Variants in MAP3K19 observed in about 807,000 individuals in gnomAD.
MAP3K19 encodes the protein mitogen-activated protein kinase kinase kinase 19, also known as SPS1/STE20-related protein kinase YSK4.
MAP3K19 carries 91 observed loss-of-function variants against 114.4 expected under a neutral mutation model. The observed-to-expected ratio is 0.80, with a 90% CI of 0.67 to 0.95. The LOEUF (loss-of-function observed/expected upper bound fraction) is 0.95, where lower values mean the gene tolerates loss of function less well. Ranked by LOEUF, MAP3K19 falls within the 40% of genes least tolerant of loss-of-function variation. The probability of loss-of-function intolerance (pLI) is 0.00; values close to 1 mark genes in which losing one functional copy is unlikely to be tolerated. For synonymous variants in MAP3K19, 518 were observed against 530.5 expected (o/e 0.98, Z 0.32); for missense variants, 1,471 against 1,573.2 (o/e 0.94, Z 1.10).
At chr2:135,011,492 G>C (rs182862712) in intron 5 of MAP3K19, among the ~76,000 whole-genome samples, 1 of 147,228 alleles carries the variant, frequency 6.8e-6, no homozygotes, top group South Asian at 2.1e-4. Context: ...AGCCGAGATC[G>C]CGCCACTGTA....
intron 3 of MAP3K19, among the ~76,000 whole-genome samples, chr2:135,026,609 T>C (rs533542633): frequency 1.3e-5 from 2 of 152,296 alleles, no homozygotes; most frequent in East Asian, 3.9e-4. Flanking sequence ...GAAACTGCAA[T>C]TGTAACATAA....
At chr2:134,983,200 C>A (rs374242334) in intron 11 of MAP3K19, 4 of 533,482 alleles carry the variant, frequency 7.5e-6, no homozygotes, top group Non-Finnish European at 1.5e-5. Flanking sequence ...CGCCCACCCC[C>A]CAAGATCTCT....
At chr2:135,020,776 C>A (rs1687916396) in intron 5 of MAP3K19, among the ~76,000 whole-genome samples, 1 of 152,154 alleles carries the variant, frequency 6.6e-6, no homozygotes, top group Admixed American at 6.5e-5. Context: ...GTTTCCCCTG[C>A]ACTCTCTCTG....
intron 12 of MAP3K19, among the ~76,000 whole-genome samples, chr2:134,974,179 T>G (rs973786654): frequency 6.6e-6 from 1 of 152,176 alleles, no homozygotes; most frequent in Non-Finnish European, 1.5e-5. Context: ...TTTTGTATTT[T>G]TAGTAGAGAT....
chr2:134,964,781 G>A lies in MAP3K19; in HGVS notation c.*69C>T. On this transcript the variant is annotated 3_prime_UTR_variant, in exon 13 of 13. Transcript: ENST00000392915. Reference sequence around the variant, plus strand: ...TCAGTGGGGAAACAAAGATCCCTTAGCCATCATTCCCCACAATTAAGCAAG... The same window carrying A: ...TCAGTGGGGAAACAAAGATCCCTTAACCATCATTCCCCACAATTAAGCAAG... 8.1e-7 allele frequency: 1 copy of A among 1,234,678 alleles called. No homozygotes were observed. The highest frequency in any genetic ancestry group is 1.2e-6 in the Non-Finnish European group (1 of 846,626). The allele number at this position is 1,234,678 out of a possible 1,614,324, so 76.5% of individuals were successfully genotyped here. A position where few individuals can be genotyped will look rare whatever the true frequency, so the allele number is the denominator to read the frequency against.
intron 4 of MAP3K19, among the ~76,000 whole-genome samples, chr2:135,024,274 T>C (rs1413399100): frequency 1.3e-5 from 2 of 152,220 alleles, no homozygotes; most frequent in Admixed American, 6.5e-5. Context: ...TGGCTGTTTC[T>C]TTGTCTTTGT....
At chr2:134,979,776 G>T (rs770259121) in intron 12 of MAP3K19, among the ~76,000 whole-genome samples, 1 of 150,996 alleles carries the variant, frequency 6.6e-6, no homozygotes, top group Non-Finnish European at 1.5e-5. Context: ...TGGCATTCCT[G>T]CCCTGGCCCA....
At chr2:135,013,727 T>A (rs1687395632) in intron 5 of MAP3K19, among the ~76,000 whole-genome samples, 1 of 152,146 alleles carries the variant, frequency 6.6e-6, no homozygotes, top group African/African-American at 2.4e-5. Context: ...CAACAATATC[T>A]GTTCTGTTTC....
At chr2:134,989,605 G>A (rs2105247609) in intron 9 of MAP3K19, among the ~76,000 whole-genome samples, 1 of 152,240 alleles carries the variant, frequency 6.6e-6, no homozygotes. Context: ...ACAATGCTAA[G>A]CAGTACCTAT....
At chr2:134,969,131 C>A (rs1405167275) in intron 12 of MAP3K19, among the ~76,000 whole-genome samples, 1 of 152,086 alleles carries the variant, frequency 6.6e-6, no homozygotes, top group Non-Finnish European at 1.5e-5. Flanking sequence ...GCGGATCACT[C>A]GCGGTTAGGA....
intron 11 of MAP3K19, among the ~76,000 whole-genome samples, chr2:134,981,880 C>CTT (rs567597251): frequency 5.5e-4 from 68 of 124,428 alleles, no homozygotes; most frequent in South Asian, 1.8e-3. Flanking sequence ...GATTTCTTTT[C>CTT]TTTTTTTTTT....
chr2:134,977,564 A>G (rs560895397), intron 12 of MAP3K19, among the ~76,000 whole-genome samples: 16 of 151,860 alleles, frequency 1.1e-4, no homozygotes, highest in Middle Eastern at 3.4e-3. Flanking sequence ...GGGTTTCACC[A>G]TGTTAGCTAG....
chr2:134,969,995 C>A (rs1683755796), intron 12 of MAP3K19, among the ~76,000 whole-genome samples: 2 of 134,218 alleles, frequency 1.5e-5, no homozygotes, highest in Admixed American at 1.5e-4. Context: ...CAATACCATG[C>A]TGTTTGGTTA....
rs79960383 is a variant in MAP3K19, at chr2:134,983,293, C to A, written c.3222+383G>T. Reference sequence around the variant, plus strand: ...TCCAAACTTCCAGTAACATATTCAGCTGTTGAAGGAAGATATTTCTTTCCC... The same window carrying A: ...TCCAAACTTCCAGTAACATATTCAGATGTTGAAGGAAGATATTTCTTTCCC... On this transcript the variant is annotated intron_variant, in intron 11 of 12. Coordinates refer to ENST00000392915, the MANE Select transcript of MAP3K19 (RefSeq NM_025052.5). 14,852 of 540,712 alleles carry A rather than the reference C, an allele frequency of 0.027. 1,502 individuals are homozygous for A. The East Asian group carries it at 0.38, about 14-fold the overall frequency. 33.5% of individuals were successfully genotyped at this position (540,712 alleles called of 1,614,324 possible).
At position 134,987,535 on chromosome 2, in the gene MAP3K19, A is replaced by G; in HGVS notation, c.1337T>C (p.Val446Ala). Residue 446 changes from valine to alanine, a missense_variant, in exon 10 of 13, where the codon GTA becomes GCA. By Grantham distance (64) the Val-to-Ala change is moderately conservative (BLOSUM62 0). Coordinates refer to ENST00000392915, the MANE Select transcript of MAP3K19 (RefSeq NM_025052.5). ...ECTVLKSLSS[V>A]VFDDPIDKLP... ...TTTATCAATGGGGTCATCAAAGACT[A>G]CACTGGATAAGCTTTTAAGTACAGT... 1.2e-6 allele frequency: 2 copies of G among 1,614,216 alleles called. No homozygotes were observed. The highest frequency in any genetic ancestry group is 1.7e-6 in the Non-Finnish European group (2 of 1,180,042).
At chr2:134,976,433 C>T (rs529594026) in intron 12 of MAP3K19, among the ~76,000 whole-genome samples, 6 of 152,324 alleles carry the variant, frequency 3.9e-5, no homozygotes, top group African/African-American at 9.6e-5. Flanking sequence ...TCTGGGCTCT[C>T]GGCCAATCTC....
In MAP3K19 at chr2:134,986,419, G is replaced by A. The variant is rs765862775; in HGVS notation, c.2453C>T (p.Ser818Phe). The A allele has an allele frequency of 6.2e-7, 1 of 1,613,920 alleles. No individual in the cohort carries two copies. The highest frequency in any genetic ancestry group is 1.7e-5 in the Admixed American group (1 of 60,016). ...GTTAGAAATGTCTCTATCACCAGTA[G>A]ACTCTTCCATAGAAACTTCTTCAAC... ...SIVEEVSMEE[S>F]TGDRDISNNQ... The change falls in exon 10 of 13, where the codon TCT becomes TTT. Residue 818 changes from serine (S) to phenylalanine (F), a missense_variant. Physicochemically the swap from Ser to Phe is radical, Grantham distance 155. Transcript: ENST00000392915.
rs1331810121 is a variant in MAP3K19 at position 135,000,033 on chromosome 2, A to G, written c.236-18T>C. 8 of 1,515,258 alleles carry G rather than the reference A, an allele frequency of 5.3e-6. No homozygotes were observed. Among genetic ancestry groups the G allele is most frequent in the Non-Finnish European group, 7.3e-6 (8 of 1,091,014 alleles). The allele number at this position is 1,515,258 out of a possible 1,614,324, so 93.9% of individuals were successfully genotyped here. A position where few individuals can be genotyped will look rare whatever the true frequency, so the allele number is the denominator to read the frequency against. ...CTCAACACCTGTAGAAACATACCAC[A>G]GTAGTAGAAGGAAGAAAGTAATGAA... On this transcript the variant is annotated intron_variant, in intron 6 of 12. Transcript: ENST00000392915.
chr2:135,003,146 G>C (rs1441603087), intron 6 of MAP3K19, among the ~76,000 whole-genome samples: 2 of 152,176 alleles, frequency 1.3e-5, no homozygotes, highest in Non-Finnish European at 2.9e-5. Flanking sequence ...ACCAGGAAGA[G>C]AGCCCTCACC....
Sources: gnomAD v4.1 joint callset for allele counts (sites outside exome capture counted in the v4.1 genomes callset) on GRCh38, gnomAD v4.1.1 for gene constraint, MANE v1.5 for transcripts, NCBI Gene and HGNC (gene_info 2026-07-23, HGNC 2026-07-21) for gene names.